Variants in MYO1E observed in about 807,000 individuals in gnomAD.
MYO1E encodes the protein myosin IE, also known as unconventional myosin-Ie.
Under a neutral mutation model 151.1 loss-of-function variants are expected in MYO1E, and 68 were observed. The observed-to-expected ratio is 0.45, with a 90% confidence interval of 0.37 to 0.55. The LOEUF (loss-of-function observed/expected upper bound fraction) is 0.55, where lower values mean the gene tolerates loss of function less well. MYO1E is among the 20% of genes least tolerant of loss of function. MYO1E has a pLI of 0.00. For missense variants in MYO1E, 1,363 were observed against 1,389.3 expected (o/e 0.98, Z 0.30); for synonymous variants, 601 against 501.7 (o/e 1.20, Z -2.64).
chr15:59,265,228 G>GA (rs779481428), intron 2 of MYO1E, among the ~76,000 whole-genome samples: 1 of 152,076 alleles, frequency 6.6e-6, no homozygotes, highest in Non-Finnish European at 1.5e-5. Flanking sequence ...GTTGTAAAGG[G>GA]AATGTGGTTA....
At position 59,173,777 on chromosome 15, in the gene MYO1E, T is replaced by C. The variant is rs768965755; in HGVS notation, c.2303A>G (p.Asp768Gly). ...CCTCCTGTCATACTTGGTGACTGTG[T>C]CTGCGAAATCAATCTTCTCCCTCTT... ...VGKREKIDFA[D>G]TVTKYDRRFK... is the part of the protein sequence containing the mutation. Residue 768 changes from aspartate to glycine, a missense_variant, in exon 21 of 28, where the codon GAC becomes GGC. Asp to Gly is a moderately conservative substitution (Grantham distance 94). Coordinates refer to ENST00000288235, the MANE Select transcript of MYO1E (RefSeq NM_004998.4). 1 of 1,614,212 alleles carries C rather than the reference T, an allele frequency of 6.2e-7. No homozygotes were observed. Among genetic ancestry groups the C allele is most frequent in the Non-Finnish European group, 8.5e-7 (1 of 1,180,042 alleles).
At chr15:59,318,701 T>C (rs1298344679) in intron 1 of MYO1E, among the ~76,000 whole-genome samples, 4 of 152,192 alleles carry the variant, frequency 2.6e-5, no homozygotes, top group African/African-American at 9.7e-5. Flanking sequence ...TAACATTTAT[T>C]GAGTACTTAC....
chr15:59,254,262 A>C (rs549673017), intron 4 of MYO1E, among the ~76,000 whole-genome samples: 1 of 152,256 alleles, frequency 6.6e-6, no homozygotes, highest in East Asian at 1.9e-4. Flanking sequence ...AGCACAGCTC[A>C]CTGTAATCTC....
At chr15:59,158,590 G>A (rs1490226622) in intron 24 of MYO1E, among the ~76,000 whole-genome samples, 1 of 152,176 alleles carries the variant, frequency 6.6e-6, no homozygotes, top group African/African-American at 2.4e-5. Context: ...GGTTATAGAG[G>A]TACAGTTTTG....
chr15:59,201,650 C>G (rs1378043761), intron 16 of MYO1E, among the ~76,000 whole-genome samples: 2 of 152,132 alleles, frequency 1.3e-5, no homozygotes, highest in African/African-American at 4.8e-5. Context: ...GTGATCCACC[C>G]GCCTCAGCCT....
chr15:59,176,627 A>T (rs1240356332), intron 19 of MYO1E, among the ~76,000 whole-genome samples: 1 of 151,866 alleles, frequency 6.6e-6, no homozygotes, highest in Admixed American at 6.6e-5. Flanking sequence ...ACACCCAGCT[A>T]ATTTTAAATT....
chr15:59,166,013 G>T (rs10519001), intron 22 of MYO1E, among the ~76,000 whole-genome samples: 66,777 of 152,084 alleles, frequency 0.44, 17,716 homozygotes, highest in Non-Finnish European at 0.61. Flanking sequence ...TGGTTTAATG[G>T]GCTTAGATTT....
At chr15:59,183,561 A>AT (rs1310246426) in intron 18 of MYO1E, among the ~76,000 whole-genome samples, 6 of 151,596 alleles carry the variant, frequency 4.0e-5, no homozygotes, top group Middle Eastern at 3.2e-3. Flanking sequence ...GTTGCATGAG[A>AT]TTTTTTTTCT....
intron 10 of MYO1E, among the ~76,000 whole-genome samples, chr15:59,217,230 T>C (rs1200249637): frequency 6.6e-6 from 1 of 152,212 alleles, no homozygotes; most frequent in Non-Finnish European, 1.5e-5. Flanking sequence ...TTTGGGTTAA[T>C]TTGTAACATA....
intron 17 of MYO1E, among the ~76,000 whole-genome samples, chr15:59,189,296 T>C (rs1185227976): frequency 1.3e-5 from 2 of 152,052 alleles, no homozygotes; most frequent in African/African-American, 2.4e-5. Context: ...CTGAACTCAA[T>C]TATCTGCCTG....
At chr15:59,192,057 T>C (rs1365485713) in intron 17 of MYO1E, among the ~76,000 whole-genome samples, 1 of 152,166 alleles carries the variant, frequency 6.6e-6, no homozygotes, top group Admixed American at 6.5e-5. Flanking sequence ...CAACTGGGTG[T>C]GTAATCCCAG....
Position 59,224,774 on chromosome 15 carries a change from C to A in MYO1E, c.692G>T (p.Ser231Ile). ...GCTCAGGTAGTAATAATAGTCCATGCTGGTGATGCCAAGGCTGTGTTTCTG... is the reference window on the plus strand; with the variant it reads ...GCTCAGGTAGTAATAATAGTCCATGATGGTGATGCCAAGGCTGTGTTTCTG... Reference protein sequence around the residue: ...AEQKHSLGITSMDYYYYLSLS... With the variant: ...AEQKHSLGITIMDYYYYLSLS... Residue 231 changes from serine to isoleucine, a missense_variant, in exon 8 of 28, where the codon AGC becomes ATC. Transcript: ENST00000288235. 6.2e-7 allele frequency: 1 copy of A among 1,614,196 alleles called. No individual in the cohort carries two copies. The highest frequency in any genetic ancestry group is 8.5e-7 in the Non-Finnish European group (1 of 1,180,034).
chr15:59,324,094 G>A (rs1389915937), intron 1 of MYO1E, among the ~76,000 whole-genome samples: 2 of 152,106 alleles, frequency 1.3e-5, no homozygotes, highest in Admixed American at 6.5e-5. Context: ...ACCCACTTTG[G>A]CCACAAATCA....
intron 1 of MYO1E, among the ~76,000 whole-genome samples, chr15:59,347,380 G>A (rs1006907127): frequency 1.3e-5 from 2 of 152,092 alleles, no homozygotes; most frequent in Admixed American, 6.5e-5. Flanking sequence ...CCACGAAACC[G>A]GTCCCTGGTG....
intron 18 of MYO1E, among the ~76,000 whole-genome samples, chr15:59,186,416 A>AC (rs1254014635): frequency 2.0e-5 from 3 of 151,840 alleles, no homozygotes; most frequent in African/African-American, 7.3e-5. Context: ...AAAAAAAAAA[A>AC]CATTATATCC....
chr15:59,345,568 T>A (rs1286574024), intron 1 of MYO1E, among the ~76,000 whole-genome samples: 2 of 152,206 alleles, frequency 1.3e-5, no homozygotes, highest in East Asian at 3.8e-4. Context: ...ACCTTTAACT[T>A]TGGCTTTTCA....
intron 22 of MYO1E, 118 bp downstream of exon 22, chr15:59,171,779 G>C: frequency 7.7e-7 from 1 of 1,303,114 alleles, no homozygotes; most frequent in African/African-American, 1.5e-5. Flanking sequence ...CCATTCTCTT[G>C]ATCATGATTT....
chr15:59,244,684 C>A (rs933535121), intron 4 of MYO1E, among the ~76,000 whole-genome samples: 1 of 152,164 alleles, frequency 6.6e-6, no homozygotes, highest in African/African-American at 2.4e-5. Context: ...GGGAGCACAA[C>A]TTTGTCACAT....
chr15:59,150,719 A>G (rs180877974), intron 26 of MYO1E, among the ~76,000 whole-genome samples: 1 of 152,232 alleles, frequency 6.6e-6, no homozygotes, highest in East Asian at 1.9e-4. Context: ...CCCTGGCTTT[A>G]TCAATCAGAC....
Sources: allele counts gnomAD v4.1 joint callset (sites outside exome capture counted in the v4.1 genomes callset), GRCh38; gene constraint gnomAD v4.1.1; transcripts MANE v1.5; gene names NCBI Gene and HGNC (gene_info 2026-07-23, HGNC 2026-07-21).